The following CNTN5 variants were observed in gnomAD, a reference collection of about 807,000 sequenced individuals.
CNTN5 encodes the protein contactin-5.
CNTN5 carries 77 observed loss-of-function variants against 129.1 expected under a neutral mutation model. The observed-to-expected ratio is 0.60, with a 90% CI of 0.50 to 0.72. The LOEUF (loss-of-function observed/expected upper bound fraction) is 0.72, where lower values mean the gene tolerates loss of function less well. CNTN5 is among the 30% of genes least tolerant of loss of function. The pLI, the probability that CNTN5 is intolerant of heterozygous loss-of-function variation, is 0.00. For synonymous variants in CNTN5, 509 were observed against 465.6 expected (o/e 1.09, Z -1.20); for missense variants, 1,478 against 1,328.8 (o/e 1.11, Z -1.75).
At chr11:99,866,707 A>G (rs1367901486) in intron 6 of CNTN5, among the ~76,000 whole-genome samples, 1 of 152,164 alleles carries the variant, frequency 6.6e-6, no homozygotes, top group East Asian at 1.9e-4. Context: ...AGGATTACTT[A>G]TTTGCTATTG....
chr11:99,108,448 A>G (rs991873790), intron 1 of CNTN5, among the ~76,000 whole-genome samples: 5 of 152,258 alleles, frequency 3.3e-5, no homozygotes, highest in Admixed American at 2.6e-4. Context: ...TCTTAAGGTT[A>G]GGTCTTTATT....
intron 3 of CNTN5, among the ~76,000 whole-genome samples, chr11:99,804,076 T>G (rs1449875026): frequency 6.6e-6 from 1 of 152,156 alleles, no homozygotes; most frequent in Non-Finnish European, 1.5e-5. Context: ...CAGAAAATAC[T>G]CAAGTACAAA....
intron 1 of CNTN5, among the ~76,000 whole-genome samples, chr11:99,204,323 C>G (rs1399810695): frequency 6.6e-6 from 1 of 152,100 alleles, no homozygotes; most frequent in African/African-American, 2.4e-5. Flanking sequence ...GAGAAATACC[C>G]CAAATTAATA....
At chr11:99,444,210 GAGAGAGAGAGAA>G (rs1943963348) in intron 2 of CNTN5, among the ~76,000 whole-genome samples, 1 of 151,896 alleles carries the variant, frequency 6.6e-6, no homozygotes, top group Non-Finnish European at 1.5e-5. Flanking sequence ...AAAAGAAAGA[GAGAGAGAGAGAA>G]AGAGAGAGAG....
Position 99,362,471 on chromosome 11 carries a change from G to A in CNTN5, c.-71+36987G>A, listed in dbSNP as rs375110141. 7.9e-5 allele frequency among the ~76,000 whole-genome samples: 12 copies of A among 151,956 alleles called. No individual in the cohort carries two copies. The East Asian group carries it at 9.7e-4, about 12-fold the overall frequency. Reference sequence around the variant, plus strand: ...TAATGGTATCCTTTGATGCACAGAAGTTTTTAATTTTGATAAAAAACAATT... The same window carrying A: ...TAATGGTATCCTTTGATGCACAGAAATTTTTAATTTTGATAAAAAACAATT... On this transcript the variant is annotated intron_variant, in intron 2 of 24. Transcript: ENST00000524871.
chr11:99,824,658 T>C (rs1946899015), intron 4 of CNTN5, among the ~76,000 whole-genome samples: 1 of 151,940 alleles, frequency 6.6e-6, no homozygotes, highest in Admixed American at 6.6e-5. Context: ...AAAAAAACCC[T>C]TTTTACCTTA....
At chr11:100,020,333 T>G (rs1374470793) in intron 9 of CNTN5, among the ~76,000 whole-genome samples, 1 of 152,124 alleles carries the variant, frequency 6.6e-6, no homozygotes, top group South Asian at 2.1e-4. Flanking sequence ...AAGGCCCTAT[T>G]TTATTCACCT....
At chr11:99,106,354 A>G (rs1866993628) in intron 1 of CNTN5, among the ~76,000 whole-genome samples, 1 of 152,126 alleles carries the variant, frequency 6.6e-6, no homozygotes, top group Non-Finnish European at 1.5e-5. Flanking sequence ...TTATAGAGTA[A>G]GAGAACATGT....
At chr11:99,855,627 A>C (rs1348286068) in intron 6 of CNTN5, among the ~76,000 whole-genome samples, 2 of 152,156 alleles carry the variant, frequency 1.3e-5, no homozygotes, top group Non-Finnish European at 2.9e-5. Context: ...GAAATTAGAA[A>C]ACAGAGTCTG....
At chr11:100,273,520 G>A (rs1042082480) in intron 18 of CNTN5, among the ~76,000 whole-genome samples, 8 of 152,028 alleles carry the variant, frequency 5.3e-5, no homozygotes, top group East Asian at 1.9e-4. Context: ...AGATGACAGC[G>A]GATCCTCCCC....
Position 99,233,945 on chromosome 11 carries a change from CAAAT to C in CNTN5, c.-209-91378_-209-91375del, listed in dbSNP as rs144108946. 3.5e-3 allele frequency among the ~76,000 whole-genome samples: 526 copies of C among 150,776 alleles called. 2 individuals carry two copies. The highest frequency in any genetic ancestry group is 0.011 in the African/African-American group (444 of 40,930). On this transcript the variant is annotated intron_variant, in intron 1 of 24. Transcript: ENST00000524871. ...TGAGCAGCAGAGCTAGACTCCATCT[CAAAT>C]AAATAAATAAATAAATAAATAATAA...
At chr11:99,800,584 G>C (rs1341307897) in intron 3 of CNTN5, among the ~76,000 whole-genome samples, 1 of 152,082 alleles carries the variant, frequency 6.6e-6, no homozygotes, top group Non-Finnish European at 1.5e-5. Context: ...AAGTCTATCA[G>C]AGGTCTAAAA....
chr11:99,029,119 T>TA (rs200662419), intron 1 of CNTN5, among the ~76,000 whole-genome samples: 1 of 151,706 alleles, frequency 6.6e-6, no homozygotes, highest in Non-Finnish European at 1.5e-5. Flanking sequence ...TTTTCAATGG[T>TA]AAAAAAATTA....
chr11:99,971,860 T>C (rs913753309), intron 8 of CNTN5, among the ~76,000 whole-genome samples: 4 of 151,100 alleles, frequency 2.6e-5, no homozygotes, highest in East Asian at 1.9e-4. Context: ...CAAAAGATTT[T>C]AAAAGTCTGC....
intron 13 of CNTN5, among the ~76,000 whole-genome samples, chr11:100,141,910 G>A (rs2138259171): frequency 6.6e-6 from 1 of 152,270 alleles, no homozygotes; most frequent in Non-Finnish European, 1.5e-5. Context: ...AGATTTGTGT[G>A]TGAGTTGGTG....
In CNTN5 at chr11:100,287,138, A is replaced by T. The variant is rs568001925; in HGVS notation, c.2315-10487A>T. On this transcript the variant is annotated intron_variant, in intron 18 of 24. Coordinates refer to ENST00000524871, the MANE Select transcript of CNTN5 (RefSeq NM_014361.4). ...GACCAAATCTACGTCTGATTGGTGT[A>T]CCTGAAAGTGTTGGGGAGAATGGAA... is the stretch of plus-strand genomic sequence containing the variant. Among the ~76,000 whole-genome samples, 27 of 152,326 alleles carry T rather than the reference A, an allele frequency of 1.8e-4. No individual in the cohort carries two copies. In the South Asian group the frequency reaches 5.0e-3, roughly 28 times the overall value.
chr11:100,208,173 TA>T (rs1441677364), intron 15 of CNTN5, among the ~76,000 whole-genome samples: 3 of 152,168 alleles, frequency 2.0e-5, no homozygotes, highest in Non-Finnish European at 4.4e-5. Context: ...AGGTAAGAAT[TA>T]AATATGGTCT....
intron 7 of CNTN5, among the ~76,000 whole-genome samples, chr11:99,931,431 T>C (rs1417723709): frequency 6.6e-6 from 1 of 151,930 alleles, no homozygotes; most frequent in Non-Finnish European, 1.5e-5. Flanking sequence ...ATAACCTTGG[T>C]TTTTTTTACT....
intron 1 of CNTN5, among the ~76,000 whole-genome samples, chr11:99,250,164 A>G (rs1862026640): frequency 6.6e-6 from 1 of 151,934 alleles, no homozygotes; most frequent in African/African-American, 2.4e-5. Flanking sequence ...TTGGTATAAT[A>G]TAGTAATTAG....
Sources: allele counts gnomAD v4.1 joint callset (sites outside exome capture counted in the v4.1 genomes callset), GRCh38; gene constraint gnomAD v4.1.1; transcripts MANE v1.5; gene names NCBI Gene and HGNC (gene_info 2026-07-23, HGNC 2026-07-21).